The following LEPR variants were observed in gnomAD, a reference collection of about 807,000 sequenced individuals.
The protein encoded by LEPR is OB receptor.
In LEPR, 56 loss-of-function variants were observed where a neutral mutation model predicts 114.7. The ratio of observed to expected loss-of-function variants is 0.49; its 90% CI spans 0.39 to 0.61. LEPR has a LOEUF of 0.61. Ranked by LOEUF, LEPR falls within the 20% of genes least tolerant of loss-of-function variation. LEPR has a pLI of 0.00. For missense variants in LEPR, 1,202 were observed against 1,352.9 expected (o/e 0.89, Z 1.75); for synonymous variants, 443 against 461.4 (o/e 0.96, Z 0.51).
At position 65,488,159 on chromosome 1, in the gene LEPR, C is replaced by CCTTTCTTT. The variant is rs71058410; in HGVS notation, c.-21+62828_-21+62835dup. ...CCTCCCTCTCCTTCCTTCCTTCCTT[C>CCTTTCTTT]CTTTCTTTCTTTCTTTCTTTCTTTC... On this transcript the variant is annotated intron_variant, in intron 2 of 19. Coordinates refer to ENST00000349533, the MANE Select transcript of LEPR (RefSeq NM_002303.6). Among the ~76,000 whole-genome samples, 123 of 65,462 alleles carry CCTTTCTTT rather than the reference C, an allele frequency of 1.9e-3. 2 individuals are homozygous for CCTTTCTTT. Among genetic ancestry groups the CCTTTCTTT allele is most frequent in the African/African-American group, 2.4e-3 (24 of 10,184 alleles). 42.9% of individuals were successfully genotyped at this position (65,462 alleles called of 152,430 possible).
chr1:65,493,223 G>A (rs552736690), intron 2 of LEPR, among the ~76,000 whole-genome samples: 1 of 151,998 alleles, frequency 6.6e-6, no homozygotes, highest in African/African-American at 2.4e-5. Context: ...GTATTTTGTC[G>A]ATTCTTCCCG....
At chr1:65,489,921 G>T (rs978477345) in intron 2 of LEPR, among the ~76,000 whole-genome samples, 2 of 152,012 alleles carry the variant, frequency 1.3e-5, no homozygotes, top group Non-Finnish European at 2.9e-5. Context: ...TACCCCAAAT[G>T]CCAGGGCAAT....
At chr1:65,484,501 A>T (rs1444078761) in intron 2 of LEPR, among the ~76,000 whole-genome samples, 1 of 152,092 alleles carries the variant, frequency 6.6e-6, no homozygotes, top group Non-Finnish European at 1.5e-5. Context: ...TCTGGTCAAT[A>T]TTTATTCTAT....
chr1:65,445,025 C>G (rs1232955123), intron 2 of LEPR, among the ~76,000 whole-genome samples: 3 of 152,150 alleles, frequency 2.0e-5, no homozygotes, highest in African/African-American at 7.2e-5. Context: ...TCTAAATGGG[C>G]TGCAAGCTAG....
Position 65,636,346 on chromosome 1 carries a change from T to A in LEPR, c.2829T>A (p.Leu943=), listed in dbSNP as rs760412890. The stretch of plus-strand genomic sequence containing the variant: ...TGCCAACAACTGTGGTCTCTCTACT[T>A]TCAACAACAGATCTTGAAAAGGGTT... ...EMMPTTVVSL[L]STTDLEKGSV... Residue 943 remains leucine (L), a synonymous_variant, in exon 20 of 20, where the codon CTT becomes CTA. Coordinates refer to ENST00000349533, the MANE Select transcript of LEPR (RefSeq NM_002303.6). 3 of 1,614,050 alleles carry A rather than the reference T, an allele frequency of 1.9e-6. No homozygotes were observed. In the South Asian group the frequency reaches 3.3e-5, roughly 18 times the overall value.
intron 2 of LEPR, among the ~76,000 whole-genome samples, chr1:65,461,631 T>C (rs1480825294): frequency 6.6e-6 from 1 of 152,092 alleles, no homozygotes; most frequent in Non-Finnish European, 1.5e-5. Context: ...TACAGAAGAA[T>C]CCCAAAAAAT....
At chr1:65,503,804 C>T (rs902655817) in intron 2 of LEPR, among the ~76,000 whole-genome samples, 5 of 88,806 alleles carry the variant, frequency 5.6e-5, no homozygotes, top group African/African-American at 1.6e-4. Flanking sequence ...GCTACACACA[C>T]ACACACACAC....
At chr1:65,631,562 G>A (rs995056726) in intron 19 of LEPR, among the ~76,000 whole-genome samples, 2 of 152,014 alleles carry the variant, frequency 1.3e-5, no homozygotes, top group African/African-American at 4.8e-5. Context: ...TGGTGGGTCT[G>A]TATTTGACTC....
chr1:65,432,734 A>T, intron 2 of LEPR: 89 of 642,570 alleles, frequency 1.4e-4, no homozygotes, highest in South Asian at 2.1e-4. Context: ...ATTTTTTTTT[A>T]AAGATCACTT....
At chr1:65,546,854 G>C (rs1651777710) in intron 2 of LEPR, among the ~76,000 whole-genome samples, 1 of 152,100 alleles carries the variant, frequency 6.6e-6, no homozygotes, top group African/African-American at 2.4e-5. Context: ...TGTTGAATAG[G>C]AGTGGTGAGA....
chr1:65,612,380 CTG>C (rs1298693641), intron 14 of LEPR, among the ~76,000 whole-genome samples: 2 of 152,192 alleles, frequency 1.3e-5, no homozygotes, highest in Non-Finnish European at 2.9e-5. Flanking sequence ...ATTAACTCAT[CTG>C]TAATTTATTT....
At chr1:65,532,447 A>G (rs529655527) in intron 2 of LEPR, among the ~76,000 whole-genome samples, 4 of 152,326 alleles carry the variant, frequency 2.6e-5, no homozygotes, top group Non-Finnish European at 4.4e-5. Flanking sequence ...TAAGATAGTC[A>G]TATGGTAATA....
rs1173575649 is a variant in LEPR, at chr1:65,572,306, T to TTTG, written c.371-18_371-17insGTT. ...CATGTAGTTGTTTTTTTTTTTTTTTTTTTTTTTTTTTAAATTCAGATGCAA... is the reference window on the plus strand; with the variant it reads ...CATGTAGTTGTTTTTTTTTTTTTTTTTTGTTTTTTTTTTTAAATTCAGATGCAA... On this transcript the variant is annotated intron_variant, in intron 4 of 19. Transcript: ENST00000349533. 7.6e-6 allele frequency: 11 copies of TTTG among 1,450,898 alleles called. No individual in the cohort carries two copies. In the African/African-American group the frequency reaches 1.6e-4, roughly 21 times the overall value. 89.9% of individuals were successfully genotyped at this position (1,450,898 alleles called of 1,614,324 possible).
intron 2 of LEPR, among the ~76,000 whole-genome samples, chr1:65,565,003 T>A (rs1653627887): frequency 6.6e-6 from 1 of 152,206 alleles, no homozygotes; most frequent in African/African-American, 2.4e-5. Context: ...TCTCCAATAT[T>A]ACCTCATCTG....
chr1:65,427,803 A>G (rs138297197), intron 2 of LEPR: 221 of 416,124 alleles, frequency 5.3e-4, no homozygotes, highest in African/African-American at 4.3e-3. Flanking sequence ...CACCCAGCTG[A>G]TTTTTTTTAG....
intron 2 of LEPR, among the ~76,000 whole-genome samples, chr1:65,542,193 A>G (rs1398509266): frequency 6.6e-6 from 1 of 152,166 alleles, no homozygotes; most frequent in Non-Finnish European, 1.5e-5. Context: ...CATTTAGATC[A>G]GACTGTGGAT....
chr1:65,583,341 T>C (rs955956695), intron 5 of LEPR, among the ~76,000 whole-genome samples: 1 of 152,052 alleles, frequency 6.6e-6, no homozygotes, highest in Non-Finnish European at 1.5e-5. Flanking sequence ...GGCCACAATG[T>C]TGGGTAAGAA....
intron 2 of LEPR, among the ~76,000 whole-genome samples, chr1:65,442,366 C>T (rs1646660267): frequency 6.6e-6 from 1 of 152,186 alleles, no homozygotes; most frequent in Non-Finnish European, 1.5e-5. Flanking sequence ...CCTATGACCC[C>T]TCCCCTACTC....
chr1:65,480,094 T>C (rs962176425), intron 2 of LEPR, among the ~76,000 whole-genome samples: 1 of 152,086 alleles, frequency 6.6e-6, no homozygotes, highest in Non-Finnish European at 1.5e-5. Context: ...AGAAAAGTAG[T>C]CAACCACCAC....
Sources: allele counts gnomAD v4.1 joint callset (sites outside exome capture counted in the v4.1 genomes callset), GRCh38; gene constraint gnomAD v4.1.1; transcripts MANE v1.5; gene names NCBI Gene and HGNC (gene_info 2026-07-23, HGNC 2026-07-21).